ANK3: variants seen among roughly 807,000 people sequenced by gnomAD.
ANK3 encodes ankyrin-3.
In ANK3, 57 loss-of-function variants were observed where a neutral mutation model predicts 370.9. The observed-to-expected ratio is 0.15, with a 90% CI of 0.12 to 0.19. The LOEUF (loss-of-function observed/expected upper bound fraction) is 0.19, where lower values mean the gene tolerates loss of function less well. ANK3 is among the 10% of genes least tolerant of loss of function. The pLI, the probability that ANK3 is intolerant of heterozygous loss-of-function variation, is 1.00. For synonymous variants in ANK3, 1,929 were observed against 1,946.3 expected (o/e 0.99, Z 0.23); for missense variants, 4,439 against 5,302.1 (o/e 0.84, Z 5.06).
intron 1 of ANK3, among the ~76,000 whole-genome samples, chr10:60,724,768 C>A (rs1245143260): frequency 6.6e-6 from 1 of 152,132 alleles, no homozygotes; most frequent in African/African-American, 2.4e-5. Flanking sequence ...GAAAACCAAT[C>A]CAAATTTTAT....
chr10:60,081,782 C>A, intron 35 of ANK3: 1 of 264,924 alleles, frequency 3.8e-6, no homozygotes, highest in South Asian at 4.2e-5. Context: ...TGACTGTTCT[C>A]GTCAGTCATA....
intron 1 of ANK3, among the ~76,000 whole-genome samples, chr10:60,635,033 A>T (rs1051763132): frequency 1.3e-5 from 2 of 152,212 alleles, no homozygotes; most frequent in Non-Finnish European, 2.9e-5. Context: ...AACCCACCGG[A>T]AGGAACCAAT....
chr10:60,196,457 T>A (rs1411856005), intron 15 of ANK3, 70 bp downstream of exon 15: 1 of 1,111,616 alleles, frequency 9.0e-7, no homozygotes, highest in Non-Finnish European at 1.3e-6. Context: ...TGGCTATTAG[T>A]GAATATTAGC....
At chr10:60,171,664 A>G (rs993993207) in intron 21 of ANK3, among the ~76,000 whole-genome samples, 12 of 152,186 alleles carry the variant, frequency 7.9e-5, no homozygotes, top group Non-Finnish European at 1.5e-4. Flanking sequence ...AAGGTACCAG[A>G]TGGGGTTGGA....
rs560189848 is a variant in ANK3, at chr10:60,597,690, T to C, written c.96+17496A>G. 2.6e-5 allele frequency among the ~76,000 whole-genome samples: 4 copies of C among 152,308 alleles called. No individual in the cohort carries two copies. The South Asian group carries it at 6.2e-4, about 24-fold the overall frequency. On this transcript the variant is annotated intron_variant, in intron 2 of 43. Coordinates refer to the ANK3 transcript ENST00000373827. ...TTTCTCAAGAGTTTCAATAGAGCTT[T>C]CTTTCCTCTTTGTTCAAGCAATGTA...
intron 1 of ANK3, among the ~76,000 whole-genome samples, chr10:60,682,179 C>T (rs544427110): frequency 3.3e-5 from 5 of 152,232 alleles, no homozygotes; most frequent in South Asian, 2.1e-4. Flanking sequence ...AGCACTCCCA[C>T]GTTCTAAATG....
intron 2 of ANK3, among the ~76,000 whole-genome samples, chr10:60,411,175 T>C (rs1346213533): frequency 6.6e-6 from 1 of 152,144 alleles, no homozygotes; most frequent in Non-Finnish European, 1.5e-5. Context: ...ACTTTTATTA[T>C]GTTAGATTTG....
At chr10:60,359,612 C>A (rs1035918987) in intron 1 of ANK3, among the ~76,000 whole-genome samples, 4 of 152,102 alleles carry the variant, frequency 2.6e-5, no homozygotes, top group Admixed American at 6.6e-5. Flanking sequence ...TAAATCCTTA[C>A]TAATTGGTCT....
intron 1 of ANK3, among the ~76,000 whole-genome samples, chr10:60,669,268 A>G (rs373776142): frequency 1.3e-5 from 2 of 152,256 alleles, no homozygotes; most frequent in South Asian, 2.1e-4. Context: ...GCAGCGCTAA[A>G]TAACTTGACA....
intron 5 of ANK3, 39 bp from the exon 6 acceptor site, chr10:60,264,059 A>G (rs2097845660): frequency 6.5e-7 from 1 of 1,531,272 alleles, no homozygotes; most frequent in South Asian, 1.2e-5. Flanking sequence ...GCTCCAATGA[A>G]TATTTTCTTT....
intron 1 of ANK3, among the ~76,000 whole-genome samples, chr10:60,360,082 A>C (rs1210149212): frequency 6.6e-6 from 1 of 152,180 alleles, no homozygotes; most frequent in East Asian, 1.9e-4. Flanking sequence ...AGGATCCATA[A>C]AATAGTTTTG....
At chr10:60,382,590 G>A (rs866874073) in intron 1 of ANK3, among the ~76,000 whole-genome samples, 5 of 152,002 alleles carry the variant, frequency 3.3e-5, no homozygotes, top group Non-Finnish European at 4.4e-5. Context: ...AAACTCTGAC[G>A]TATATGTGAA....
chr10:60,425,817 G>A (rs2063873903), intron 2 of ANK3, among the ~76,000 whole-genome samples: 2 of 152,054 alleles, frequency 1.3e-5, no homozygotes. Context: ...ATAACCAAGG[G>A]GTAAGAAGAG....
chr10:60,140,329 C>T (rs1246942470), intron 23 of ANK3: 2 of 1,612,944 alleles, frequency 1.2e-6, no homozygotes, highest in Non-Finnish European at 1.7e-6. Context: ...CAGCACACAC[C>T]AAGTACAACT....
In ANK3 at chr10:60,730,203, G is replaced by C. The variant is rs187040504; in HGVS notation, c.57+3060C>G. 3.9e-3 allele frequency among the ~76,000 whole-genome samples: 597 copies of C among 152,140 alleles called. 7 individuals are homozygous for C. Among genetic ancestry groups the C allele is most frequent in the African/African-American group, 0.014 (570 of 41,480 alleles). On this transcript the variant is annotated intron_variant, in intron 1 of 43. Transcript: ENST00000373827. ...CACTGCACTCCACCCTGTCACCCAG[G>C]CTGGAGTGCAGTGGCATGAGTATCA...
At chr10:60,639,265 C>A (rs183884074) in intron 1 of ANK3, among the ~76,000 whole-genome samples, 1 of 150,320 alleles carries the variant, frequency 6.7e-6, no homozygotes, top group African/African-American at 2.4e-5. Context: ...ATTCTATATT[C>A]AGCAAAAATA....
intron 7 of ANK3, among the ~76,000 whole-genome samples, chr10:60,244,943 G>GC (rs1394043476): frequency 6.6e-6 from 1 of 152,162 alleles, no homozygotes; most frequent in African/African-American, 2.4e-5. Context: ...GCCGAGGCGG[G>GC]CGGATCATGA....
intron 2 of ANK3, among the ~76,000 whole-genome samples, chr10:60,599,871 A>G (rs1432692930): frequency 6.6e-6 from 1 of 151,814 alleles, no homozygotes; most frequent in Non-Finnish European, 1.5e-5. Flanking sequence ...CCCTTTCTCT[A>G]CTTCTCTGTC....
chr10:60,502,031 TGACTACAGGATAC>T (rs75336848), intron 2 of ANK3, among the ~76,000 whole-genome samples: 61,192 of 151,388 alleles, frequency 0.4, 12,631 homozygotes, highest in African/African-American at 0.43. Flanking sequence ...TCTCCCCAAA[TGACTACAGGATAC>T]CCCAAATGAC....
Sources: allele counts gnomAD v4.1 joint callset (sites outside exome capture counted in the v4.1 genomes callset), GRCh38; gene constraint gnomAD v4.1.1; transcripts MANE v1.5; gene names NCBI Gene and HGNC (gene_info 2026-07-23, HGNC 2026-07-21).